TMEM117: variants seen among roughly 807,000 people sequenced by gnomAD.
The protein encoded by TMEM117 is transmembrane protein 117.
In TMEM117, 27 loss-of-function variants were observed where a neutral mutation model predicts 52.4. That is an observed-to-expected ratio of 0.51 (90% CI 0.38 to 0.71). The LOEUF is 0.71. Ranked by LOEUF, TMEM117 falls within the 30% of genes least tolerant of loss-of-function variation. TMEM117 has a pLI of 0.00. For synonymous variants in TMEM117, 215 were observed against 206.3 expected (o/e 1.04, Z -0.36); for missense variants, 556 against 630.5 (o/e 0.88, Z 1.26).
chr12:44,130,495 A>G (rs1459791530), intron 3 of TMEM117, among the ~76,000 whole-genome samples: 1 of 152,130 alleles, frequency 6.6e-6, no homozygotes, highest in African/African-American at 2.4e-5. Context: ...TCTGAGTTTT[A>G]TATATTTGTA....
At chr12:44,074,921 T>C (rs1947357702) in intron 3 of TMEM117, among the ~76,000 whole-genome samples, 1 of 152,200 alleles carries the variant, frequency 6.6e-6, no homozygotes, top group Non-Finnish European at 1.5e-5. Flanking sequence ...AACCCCACTC[T>C]TTATACACTA....
At chr12:44,278,858 C>T (rs976975926) in intron 5 of TMEM117, among the ~76,000 whole-genome samples, 1 of 152,128 alleles carries the variant, frequency 6.6e-6, no homozygotes, top group African/African-American at 2.4e-5. Context: ...GGTGTTAATT[C>T]CTGCTAATTT....
intron 5 of TMEM117, among the ~76,000 whole-genome samples, chr12:44,292,562 G>A (rs1950717988): frequency 6.6e-6 from 1 of 151,584 alleles, no homozygotes. Flanking sequence ...GTTTTATTTG[G>A]GATCTTTCTT....
At chr12:44,010,206 C>T (rs745674194) in intron 3 of TMEM117, 1 of 502,496 alleles carries the variant, frequency 2.0e-6, no homozygotes, top group Non-Finnish European at 4.0e-6. Flanking sequence ...CCACCTCTGA[C>T]AAATGAGGGT....
At chr12:44,078,483 T>A (rs1342645043) in intron 3 of TMEM117, among the ~76,000 whole-genome samples, 1 of 152,206 alleles carries the variant, frequency 6.6e-6, no homozygotes, top group Non-Finnish European at 1.5e-5. Context: ...GTGAGTCATT[T>A]ACAGCCACGA....
intron 3 of TMEM117, among the ~76,000 whole-genome samples, chr12:44,091,542 A>G (rs1947671780): frequency 6.6e-6 from 1 of 152,198 alleles, no homozygotes. Flanking sequence ...ATTTATAACA[A>G]TAATGTTTCT....
At chr12:44,101,056 G>C (rs1385150800) in intron 3 of TMEM117, among the ~76,000 whole-genome samples, 1 of 151,852 alleles carries the variant, frequency 6.6e-6, no homozygotes, top group Non-Finnish European at 1.5e-5. Flanking sequence ...TCTTCTTGCT[G>C]CATCCTTACA....
At chr12:44,306,476 A>T (rs1950905013) in intron 6 of TMEM117, among the ~76,000 whole-genome samples, 1 of 152,136 alleles carries the variant, frequency 6.6e-6, no homozygotes, top group Admixed American at 6.6e-5. Flanking sequence ...TAGAGGAGAG[A>T]CTATTAAAAA....
chr12:43,979,802 G>C (rs181730139), intron 3 of TMEM117, among the ~76,000 whole-genome samples: 2 of 152,136 alleles, frequency 1.3e-5, no homozygotes, highest in Non-Finnish European at 2.9e-5. Context: ...TCATGGGCTC[G>C]TAATTTCTCT....
At chr12:43,941,846 T>G (rs540448047) in intron 2 of TMEM117, among the ~76,000 whole-genome samples, 2 of 152,216 alleles carry the variant, frequency 1.3e-5, no homozygotes, top group Non-Finnish European at 2.9e-5. Flanking sequence ...TACTGCCACA[T>G]CTCTCTTTTT....
the TMEM117 span, among the ~76,000 whole-genome samples, chr12:43,829,614 A>G: frequency 6.6e-6 from 1 of 152,188 alleles, no homozygotes. Flanking sequence ...GAAAAAGATC[A>G]TTTGTTTTTG....
At chr12:44,220,942 C>T in intron 5 of TMEM117, among the ~76,000 whole-genome samples, 1 of 152,168 alleles carries the variant, frequency 6.6e-6, no homozygotes, top group Non-Finnish European at 1.5e-5. Flanking sequence ...GACAAATCTC[C>T]TGTACAGAAG....
intron 4 of TMEM117, among the ~76,000 whole-genome samples, chr12:44,181,960 A>C (rs1174494043): frequency 6.6e-6 from 1 of 152,096 alleles, no homozygotes; most frequent in Admixed American, 6.6e-5. Context: ...GGCCATTTTC[A>C]TGATATTGAT....
At chr12:44,390,566 G>T (rs184159484), downstream of TMEM117, among the ~76,000 whole-genome samples, 72 of 151,708 alleles carry the variant, frequency 4.7e-4, 1 homozygote, top group African/African-American at 1.7e-3. Context: ...GCAGAAGTAA[G>T]ACAGAAAAAA....
chr12:44,209,493 T>C (rs1949617453), intron 4 of TMEM117, among the ~76,000 whole-genome samples: 1 of 152,172 alleles, frequency 6.6e-6, no homozygotes. Context: ...GTTTTCCTTT[T>C]TGAATTCTTA....
At chr12:43,887,490 A>G (rs1276819456) in intron 2 of TMEM117, among the ~76,000 whole-genome samples, 1 of 152,220 alleles carries the variant, frequency 6.6e-6, no homozygotes, top group Non-Finnish European at 1.5e-5. Flanking sequence ...TTTACAAGAA[A>G]CTAAACTAAG....
At chr12:43,964,475 C>T (rs1367476651) in intron 3 of TMEM117, among the ~76,000 whole-genome samples, 1 of 152,128 alleles carries the variant, frequency 6.6e-6, no homozygotes, top group East Asian at 1.9e-4. Flanking sequence ...TTCTTCTCCA[C>T]CTTCTAACAC....
chr12:44,363,123 C>T (rs1452374058), intron 6 of TMEM117, among the ~76,000 whole-genome samples: 1 of 152,176 alleles, frequency 6.6e-6, no homozygotes, highest in Non-Finnish European at 1.5e-5. Context: ...TGCAAAAACA[C>T]TCATGGGACT....
chr12:43,806,071 G>A, the TMEM117 span: 3 of 1,517,148 alleles, frequency 2.0e-6, no homozygotes, highest in Admixed American at 2.0e-5. Flanking sequence ...GGAAGCAGGA[G>A]CGCGGAGAGG....
Sources: gnomAD v4.1 joint callset for allele counts (sites outside exome capture counted in the v4.1 genomes callset) on GRCh38, gnomAD v4.1.1 for gene constraint, MANE v1.5 for transcripts, NCBI Gene and HGNC (gene_info 2026-07-23, HGNC 2026-07-21) for gene names.